TM7SF3: variants seen among roughly 807,000 people sequenced by gnomAD.
TM7SF3 encodes transmembrane 7 superfamily member 3, also known as seven span transmembrane protein.
Under a neutral mutation model 65.5 loss-of-function variants are expected in TM7SF3, and 60 were observed. The observed-to-expected ratio is 0.92, with a 90% CI of 0.74 to 1.14. TM7SF3 has a LOEUF of 1.14. TM7SF3 is among the 50% of genes most tolerant of loss of function. The pLI is 0.00. For missense variants in TM7SF3, 623 were observed against 684.8 expected, an observed-to-expected ratio of 0.91 and a Z score of 1.01; for synonymous variants, 264 against 259.6, an observed-to-expected ratio of 1.02 and a Z score of -0.16.
chr12:26,992,668 G>A lies in TM7SF3; in HGVS notation c.691-2041C>T, dbSNP rs189338691. Reference sequence around the variant, plus strand: ...CACTGTAAAATGTTAGCTATTACCCGTGTGGTTAAGCAGGAGCGATGGCTC... The same window carrying A: ...CACTGTAAAATGTTAGCTATTACCCATGTGGTTAAGCAGGAGCGATGGCTC... On this transcript the variant is annotated intron_variant, in intron 5 of 11. Transcript: ENST00000343028. 2.0e-3 allele frequency among the ~76,000 whole-genome samples: 303 copies of A among 152,288 alleles called. 6 individuals are homozygous for A. In the South Asian group the frequency reaches 0.027, roughly 14 times the overall value.
chr12:27,003,969 A>C (rs1399210577), intron 1 of TM7SF3, among the ~76,000 whole-genome samples: 1 of 152,204 alleles, frequency 6.6e-6, no homozygotes, highest in African/African-American at 2.4e-5. Context: ...TCCAATGAGC[A>C]CCCACACCAG....
chr12:26,979,758 C>CA (rs143662680), intron 9 of TM7SF3, 26 bp downstream of exon 9: 287,079 of 1,611,484 alleles, frequency 0.18, 27,064 homozygotes, highest in East Asian at 0.36. Context: ...CTCGAACACA[C>CA]AAAACATCTG....
At chr12:27,001,149 G>A (rs1247194259) in intron 2 of TM7SF3, among the ~76,000 whole-genome samples, 1 of 152,116 alleles carries the variant, frequency 6.6e-6, no homozygotes, top group Non-Finnish European at 1.5e-5. Flanking sequence ...AAGGGCACAG[G>A]AAACAGAAGC....
chr12:27,000,525 T>C (rs940918260), intron 2 of TM7SF3, among the ~76,000 whole-genome samples: 2 of 152,152 alleles, frequency 1.3e-5, no homozygotes, highest in African/African-American at 4.8e-5. Flanking sequence ...AGTGGCGCGA[T>C]CTCAGCTTAC....
chr12:27,001,604 A>G (rs987716357), intron 2 of TM7SF3, among the ~76,000 whole-genome samples: 11 of 152,216 alleles, frequency 7.2e-5, no homozygotes, highest in African/African-American at 2.4e-4. Context: ...TTCAACAAAT[A>G]TAAACCCTTA....
At position 26,974,029 on chromosome 12, in the gene TM7SF3, G is replaced by A; in HGVS notation, c.1649C>T (p.Thr550Ile). The change falls in exon 12 of 12, where the codon ACC (threonine) becomes ATC (isoleucine). Residue 550 changes from threonine (T) to isoleucine (I), a missense_variant. Physicochemically the swap from Thr to Ile is moderately conservative, Grantham distance 89. Transcript: ENST00000343028. ...PLRERLYGRL[T>I]QIKGLFQKEQ... ...CTTCTGGAAGAGCCCTTTAATCTGG[G>A]TTAATCGGCCATAGAGCCTCTCTCT... The A allele has an allele frequency of 6.2e-7, 1 of 1,614,164 alleles. No homozygotes were observed. The highest frequency in any genetic ancestry group is 8.5e-7 in the Non-Finnish European group (1 of 1,180,034).
intron 1 of TM7SF3, 32 bp downstream of exon 1, chr12:27,014,046 T>C (rs1167756417): frequency 6.5e-6 from 10 of 1,532,064 alleles, no homozygotes; most frequent in African/African-American, 1.4e-5. Flanking sequence ...AAAGCAACTT[T>C]GGGTTGCAGA....
intron 1 of TM7SF3, among the ~76,000 whole-genome samples, chr12:27,009,062 T>G (rs1471357997): frequency 6.6e-6 from 1 of 152,216 alleles, no homozygotes; most frequent in Admixed American, 6.5e-5. Flanking sequence ...AGTTCCACCT[T>G]TCACATAAGT....
chr12:27,008,200 T>C lies in TM7SF3; in HGVS notation c.92-4810A>G, dbSNP rs536259230. On this transcript the variant is annotated intron_variant, in intron 1 of 11. Transcript: ENST00000343028. ...GGAAAGTGTTCCAATTGCCCAGAAGTCTCACCAACACCTGGTATCATTCAT... is the reference window on the plus strand; with the variant it reads ...GGAAAGTGTTCCAATTGCCCAGAAGCCTCACCAACACCTGGTATCATTCAT... Among the ~76,000 whole-genome samples, 10 of 152,214 alleles carry C rather than the reference T, an allele frequency of 6.6e-5. No individual in the cohort carries two copies. The South Asian group carries it at 8.3e-4, about 13-fold the overall frequency.
intron 1 of TM7SF3, among the ~76,000 whole-genome samples, chr12:27,008,734 C>T (rs961722992): frequency 2.6e-5 from 4 of 152,124 alleles, no homozygotes; most frequent in African/African-American, 9.7e-5. Context: ...TTCATATGTT[C>T]ATCTACTTGA....
At chr12:26,982,985 A>G (rs76200792) in intron 6 of TM7SF3, 126 bp from the exon 7 acceptor site, 53,468 of 637,604 alleles carry the variant, frequency 0.084, 2,969 homozygotes, top group East Asian at 0.21. Flanking sequence ...CATGTATATT[A>G]CAAATTTATC....
At chr12:26,998,260 A>G (rs1940685433) in intron 3 of TM7SF3, among the ~76,000 whole-genome samples, 1 of 152,184 alleles carries the variant, frequency 6.6e-6, no homozygotes. Context: ...AGGCACTAGT[A>G]AAGTATTTGC....
At chr12:27,006,097 G>A (rs560430922) in intron 1 of TM7SF3, among the ~76,000 whole-genome samples, 2 of 150,974 alleles carry the variant, frequency 1.3e-5, no homozygotes, top group South Asian at 2.1e-4. Context: ...ACCCTGCCCG[G>A]CTGATTTTTC....
chr12:26,982,651 C>T, intron 7 of TM7SF3, 122 bp downstream of exon 7: 3 of 625,732 alleles, frequency 4.8e-6, no homozygotes, highest in Non-Finnish European at 8.0e-6. Flanking sequence ...GACTACAAGA[C>T]CCCAGCTACA....
chr12:27,011,035 C>G (rs1263229425), intron 1 of TM7SF3, among the ~76,000 whole-genome samples: 1 of 152,190 alleles, frequency 6.6e-6, no homozygotes, highest in Non-Finnish European at 1.5e-5. Context: ...CTTCATAATT[C>G]TCTTCACATT....
chr12:26,974,391 G>GTCTTGTTTTTGAAAC, intron 11 of TM7SF3, among the ~76,000 whole-genome samples, 164 bp from the exon 12 acceptor site: 1 of 152,310 alleles, frequency 6.6e-6, no homozygotes, highest in South Asian at 2.1e-4. Flanking sequence ...CAAGGAATCA[G>GTCTTGTTTTTGAAAC]TAGGGAAGCC....
In TM7SF3 at chr12:27,003,310, TATC is replaced by T. The variant is rs768840143; in HGVS notation, c.169_171del (p.Asp57del). The T allele has an allele frequency of 1.9e-6, 3 of 1,613,728 alleles. No homozygotes were observed. The highest frequency in any genetic ancestry group is 1.1e-5 in the South Asian group (1 of 91,066). On this transcript the variant is annotated inframe_deletion, in exon 2 of 12. Transcript: ENST00000343028. Reference sequence around the variant, plus strand: ...ATAAGAAAAGTCACATTGCTTGAAATATCATGCAAAATAGCTTCCTCTGGAAAG... The same window carrying T: ...ATAAGAAAAGTCACATTGCTTGAAATATGCAAAATAGCTTCCTCTGGAAAG...
intron 1 of TM7SF3, among the ~76,000 whole-genome samples, chr12:27,010,976 T>A (rs1365561078): frequency 6.6e-6 from 1 of 152,240 alleles, no homozygotes; most frequent in Non-Finnish European, 1.5e-5. Context: ...CTACTGTTTG[T>A]GTTTCAACAC....
intron 1 of TM7SF3, 141 bp downstream of exon 1, chr12:27,013,937 G>T (rs1941341505): frequency 1.4e-6 from 1 of 739,182 alleles, no homozygotes. Context: ...CATTCGTGCC[G>T]GTTCTGGACT....
Sources: allele counts gnomAD v4.1 joint callset (sites outside exome capture counted in the v4.1 genomes callset), GRCh38; gene constraint gnomAD v4.1.1; transcripts MANE v1.5; gene names NCBI Gene and HGNC (gene_info 2026-07-23, HGNC 2026-07-21).